AMER2: variants seen among roughly 807,000 people sequenced by gnomAD.
The protein encoded by AMER2 is family with sequence similarity 123A.
AMER2 carries 1 observed loss-of-function variant against 4.7 expected under a neutral mutation model. That is an observed-to-expected ratio of 0.21 (90% CI 0.07 to 1.00). The LOEUF is 1.00. AMER2 is among the 50% of genes least tolerant of loss of function. The pLI, the probability that AMER2 is intolerant of heterozygous loss-of-function variation, is 0.60. For synonymous variants in AMER2, 485 were observed against 433.3 expected, an observed-to-expected ratio of 1.12 and a Z score of -1.48; for missense variants, 988 against 966.9, an observed-to-expected ratio of 1.02 and a Z score of -0.29.
rs1351706490 is a variant in AMER2 at position 25,170,835 on chromosome 13, T to A, written c.785A>T (p.Glu262Val). Residue 262 changes from glutamate to valine, a missense_variant, in exon 1 of 1, where the codon GAG becomes GTG. Physicochemically the swap from Glu to Val is moderately radical, Grantham distance 121. Transcript: ENST00000515384. This position sits in a 1 kb window ranked among gnomAD's most constrained non-coding sequence, Gnocchi z 7.3. ...SQDAPRDPAG[E>V]PAGGEEVPAP... ...GGGCACCTCCTCTCCCCCTGCGGGC[T>A]CACCTGCTGGGTCTCGCGGGGCGTC... 7.0e-7 allele frequency: 1 copy of A among 1,429,658 alleles called. No individual in the cohort carries two copies. The highest frequency in any genetic ancestry group is 9.1e-7 in the Non-Finnish European group (1 of 1,101,044). 88.6% of individuals were successfully genotyped at this position (1,429,658 alleles called of 1,614,324 possible).
At position 25,162,356 on chromosome 13, in the gene AMER2, T is replaced by C. The variant is rs1439966387; in HGVS notation, c.*7248A>G. The C allele has an allele frequency of 6.6e-6, 1 of 152,290 alleles. No homozygotes were observed. The highest frequency in any genetic ancestry group is 2.1e-4 in the South Asian group (1 of 4,822). The allele number at this position is 152,290 out of a possible 1,614,324, so 9.4% of individuals were successfully genotyped here. A position where few individuals can be genotyped will look rare whatever the true frequency, so the allele number is the denominator to read the frequency against. ...TGGTGTCAAGTACAAATGATAGGAA[T>C]TGACTTTGCCAACAACATCAAAAGC... On this transcript the variant is annotated 3_prime_UTR_variant, in exon 1 of 1. Coordinates refer to ENST00000515384, the MANE Select transcript of AMER2 (RefSeq NM_152704.4).
In AMER2 at chr13:25,165,998, A is replaced by T. The variant is rs1476120309; in HGVS notation, c.*3606T>A. On this transcript the variant is annotated 3_prime_UTR_variant, in exon 1 of 1. Coordinates refer to ENST00000515384, the MANE Select transcript of AMER2 (RefSeq NM_152704.4). ...TTAAAATTAATCTGACAAAGGCGTA[A>T]ATAATGAAAACTCTTAGAAAATTCA... The T allele has an allele frequency of 6.6e-6, 1 of 152,242 alleles. No homozygotes were observed. Among genetic ancestry groups the T allele is most frequent in the Non-Finnish European group, 1.5e-5 (1 of 68,044 alleles). The allele number at this position is 152,242 out of a possible 1,614,324, so 9.4% of individuals were successfully genotyped here.
Position 25,161,969 on chromosome 13 carries a change from T to C in AMER2, c.*7635A>G, listed in dbSNP as rs1956412672. On this transcript the variant is annotated 3_prime_UTR_variant, in exon 1 of 1. Coordinates refer to ENST00000515384, the MANE Select transcript of AMER2 (RefSeq NM_152704.4). ...CCTCTATCCCATTAAACCATTGGAG[T>C]GGAGAAAGGAGGAAAGACCCTATTG... The C allele has an allele frequency of 6.6e-6, 1 of 151,898 alleles. No homozygotes were observed. The highest frequency in any genetic ancestry group is 6.6e-5 in the Admixed American group (1 of 15,246). 9.4% of individuals were successfully genotyped at this position (151,898 alleles called of 1,614,324 possible).
At position 25,170,534 on chromosome 13, in the gene AMER2, A is replaced by C; in HGVS notation, c.1086T>G (p.Ile362Met). 3 of 1,614,066 alleles carry C rather than the reference A, an allele frequency of 1.9e-6. No individual in the cohort carries two copies. The highest frequency in any genetic ancestry group is 2.5e-6 in the Non-Finnish European group (3 of 1,179,992). Residue 362 changes from isoleucine to methionine, a missense_variant, in exon 1 of 1, where the codon ATT (isoleucine) becomes ATG (methionine). Transcript: ENST00000515384. The surrounding 1 kb of genome is among the most constrained non-coding windows in gnomAD (Gnocchi z 7.3). The stretch of plus-strand genomic sequence containing the variant: ...AAGTCACGTCAGAAAACATCAAACA[A>C]ATACGATCTGCCGACGGGTCTGAGG... ...DPPSDPSADR[I>M]CLMFSDVTSL... is the part of the protein sequence containing the mutation.
At position 25,169,683 on chromosome 13, in the gene AMER2, A is replaced by C; in HGVS notation, c.1937T>G (p.Val646Gly). ...RTKIPVSKVLVRRVSNRGLAG... is the reference protein window; with the variant it reads ...RTKIPVSKVLGRRVSNRGLAG... ...CAAGCCCCGGTTGCTGACTCTGCGG[A>C]CCAGCACTTTGGAAACCGGGATTTT... The change falls in exon 1 of 1, where the codon GTC (valine) becomes GGC (glycine). Residue 646 changes from valine (V) to glycine (G), a missense_variant. Transcript: ENST00000515384. This position sits in a 1 kb window ranked among gnomAD's most constrained non-coding sequence, Gnocchi z 4.2. 1 of 1,614,026 alleles carries C rather than the reference A, an allele frequency of 6.2e-7. No homozygotes were observed. Among genetic ancestry groups the C allele is most frequent in the Non-Finnish European group, 8.5e-7 (1 of 1,179,980 alleles).
In AMER2 at chr13:25,163,776, G is replaced by A. The variant is rs1956439892; in HGVS notation, c.*5828C>T. 1 of 151,848 alleles carries A rather than the reference G, an allele frequency of 6.6e-6. No homozygotes were observed. The highest frequency in any genetic ancestry group is 2.4e-5 in the African/African-American group (1 of 41,314). 9.4% of individuals were successfully genotyped at this position (151,848 alleles called of 1,614,324 possible). A position where few individuals can be genotyped will look rare whatever the true frequency, so the allele number is the denominator to read the frequency against. ...GAGAGATTTGCTGTACAACACTGTG[G>A]CTATAGTTAACAATACTGTATTGTG... On this transcript the variant is annotated 3_prime_UTR_variant, in exon 1 of 1. Transcript: ENST00000515384.
At position 25,168,601 on chromosome 13, in the gene AMER2, T is replaced by A. The variant is rs1461778163; in HGVS notation, c.*1003A>T. The A allele has an allele frequency of 6.6e-6, 1 of 151,682 alleles. No individual in the cohort carries two copies. The highest frequency in any genetic ancestry group is 1.5e-5 in the Non-Finnish European group (1 of 67,948). 9.4% of individuals were successfully genotyped at this position (151,682 alleles called of 1,614,324 possible). A position where few individuals can be genotyped will look rare whatever the true frequency, so the allele number is the denominator to read the frequency against. ...TCCCATTACAGTACATAACAGAACA[T>A]CAATGGTTTGGGGACCATCATCATG... On this transcript the variant is annotated 3_prime_UTR_variant, in exon 1 of 1. Coordinates refer to ENST00000515384, the MANE Select transcript of AMER2 (RefSeq NM_152704.4).
chr13:25,169,873 G>A lies in AMER2; in HGVS notation c.1747C>T (p.Arg583Trp), dbSNP rs1956530360. 1.2e-6 allele frequency: 2 copies of A among 1,614,162 alleles called. No individual in the cohort carries two copies. Among genetic ancestry groups the A allele is most frequent in the Non-Finnish European group, 1.7e-6 (2 of 1,180,018 alleles). Residue 583 changes from arginine (R) to tryptophan (W), a missense_variant, in exon 1 of 1, where the codon CGG (arginine) becomes TGG (tryptophan). Arg to Trp is a moderately radical substitution (Grantham distance 101, BLOSUM62 -3). Transcript: ENST00000515384. This position sits in a 1 kb window ranked among gnomAD's most constrained non-coding sequence, Gnocchi z 4.2. ...GTGCCTGGAGATACGGGCTTTAACC[G>A]GGACAGGGAGGACGTCTCCTCGTTG... ...KDNEETSSLS[R>W]LKPVSPGTIT...
Position 25,162,164 on chromosome 13 carries a change from A to G in AMER2, c.*7440T>C, listed in dbSNP as rs1211617988. ...ATAATACTGCCAAAACCTGTCCTCA[A>G]AGACATGCCTGACTTTCAGGAAAGC... On this transcript the variant is annotated 3_prime_UTR_variant, in exon 1 of 1. Transcript: ENST00000515384. The G allele has an allele frequency of 2.0e-5, 3 of 152,192 alleles. No individual in the cohort carries two copies. The highest frequency in any genetic ancestry group is 2.9e-5 in the Non-Finnish European group (2 of 68,040). The allele number at this position is 152,192 out of a possible 1,614,324, so 9.4% of individuals were successfully genotyped here. A position where few individuals can be genotyped will look rare whatever the true frequency, so the allele number is the denominator to read the frequency against.
At position 25,171,789 on chromosome 13, in the gene AMER2, TC is replaced by T. The variant is rs148639138; in HGVS notation, c.-171del. On this transcript the variant is annotated 5_prime_UTR_variant, in exon 1 of 1. It introduces an in-frame stop codon into an upstream open reading frame of the 5' UTR. Transcript: ENST00000515384. This position sits in a 1 kb window ranked among gnomAD's most constrained non-coding sequence, Gnocchi z 5.9. ...GGCTTATATAATACCCTAACCCACT[TC>T]CATCCGACTTGGCTCGGCGCTGCAT... The T allele has an allele frequency of 2.7e-3, 3,427 of 1,290,956 alleles. 81 individuals carry two copies. The African/African-American group carries it at 0.047, about 18-fold the overall frequency. The allele number at this position is 1,290,956 out of a possible 1,614,324, so 80.0% of individuals were successfully genotyped here.
Position 25,170,939 on chromosome 13 carries a change from G to C in AMER2, c.681C>G (p.Pro227=), listed in dbSNP as rs769729074. Residue 227 remains proline (P), a synonymous_variant, in exon 1 of 1, where the codon CCC becomes CCG. Transcript: ENST00000515384. The surrounding 1 kb of genome is among the most constrained non-coding windows in gnomAD (Gnocchi z 7.3). Reference sequence around the variant, plus strand: ...ACTCCAGGCTGGCGGTGAGCGAGCCGGGTAGGATCAAGCCGCCCCCGGGCG... The same window carrying C: ...ACTCCAGGCTGGCGGTGAGCGAGCCCGGTAGGATCAAGCCGCCCCCGGGCG... ...GRAPGGGLIL[P]GSLTASLECV... 9 of 1,517,102 alleles carry C rather than the reference G, an allele frequency of 5.9e-6. No individual in the cohort carries two copies. Among genetic ancestry groups the C allele is most frequent in the African/African-American group, 2.9e-5 (2 of 69,748 alleles). The allele number at this position is 1,517,102 out of a possible 1,614,324, so 94.0% of individuals were successfully genotyped here. A position where few individuals can be genotyped will look rare whatever the true frequency, so the allele number is the denominator to read the frequency against.
In AMER2 at chr13:25,169,090, GTTTTGT is replaced by G. The variant is rs913506406; in HGVS notation, c.*508_*513del. ...TTTCCACACAGTGATACAGCAAAGGGTTTTGTTTTTGTTTTTGTTTTTTTTTAACTG... is the reference window on the plus strand; with the variant it reads ...TTTCCACACAGTGATACAGCAAAGGGTTTTGTTTTTGTTTTTTTTTAACTG... On this transcript the variant is annotated 3_prime_UTR_variant, in exon 1 of 1. Coordinates refer to ENST00000515384, the MANE Select transcript of AMER2 (RefSeq NM_152704.4). This position sits in a 1 kb window ranked among gnomAD's most constrained non-coding sequence, Gnocchi z 4.2. The G allele has an allele frequency of 6.6e-6, 1 of 152,464 alleles. No individual in the cohort carries two copies. Among genetic ancestry groups the G allele is most frequent in the Non-Finnish European group, 1.5e-5 (1 of 68,198 alleles). 9.4% of individuals were successfully genotyped at this position (152,464 alleles called of 1,614,324 possible). A position where few individuals can be genotyped will look rare whatever the true frequency, so the allele number is the denominator to read the frequency against.
rs1291783256 is a variant in AMER2 at position 25,162,925 on chromosome 13, G to A, written c.*6679C>T. The A allele has an allele frequency of 6.6e-6, 1 of 152,160 alleles. No individual in the cohort carries two copies. The highest frequency in any genetic ancestry group is 1.5e-5 in the Non-Finnish European group (1 of 68,032). The allele number at this position is 152,160 out of a possible 1,614,324, so 9.4% of individuals were successfully genotyped here. The stretch of plus-strand genomic sequence containing the variant: ...CTCTGGCAACATAGTAAACATACAG[G>A]ATATGTTAGTAGAATTCAATATAAA... On this transcript the variant is annotated 3_prime_UTR_variant, in exon 1 of 1. Coordinates refer to ENST00000515384, the MANE Select transcript of AMER2 (RefSeq NM_152704.4).
Position 25,171,040 on chromosome 13 carries a change from G to A in AMER2, c.580C>T (p.Leu194=), listed in dbSNP as rs778246753. 6.4e-7 allele frequency: 1 copy of A among 1,573,678 alleles called. No individual in the cohort carries two copies. The highest frequency in any genetic ancestry group is 8.6e-7 in the Non-Finnish European group (1 of 1,161,396). The stretch of plus-strand genomic sequence containing the variant: ...CGCATGCCGCTGAACAGCCCCCGCA[G>A]CCCCCGCTTTTGTTTGCCGCCGGCC... The part of the protein sequence containing the change: ...SKAGGKQKRG[L]RGLFSGMRWH... Residue 194 remains leucine, a synonymous_variant, in exon 1 of 1, where the codon CTG becomes TTG. Coordinates refer to ENST00000515384, the MANE Select transcript of AMER2 (RefSeq NM_152704.4). This position sits in a 1 kb window ranked among gnomAD's most constrained non-coding sequence, Gnocchi z 5.9.
In AMER2 at chr13:25,163,748, T is replaced by C. The variant is rs1566011773; in HGVS notation, c.*5856A>G. 1.3e-5 allele frequency: 2 copies of C among 151,314 alleles called. No homozygotes were observed. Among genetic ancestry groups the C allele is most frequent in the East Asian group, 3.9e-4 (2 of 5,160 alleles). 9.4% of individuals were successfully genotyped at this position (151,314 alleles called of 1,614,324 possible). On this transcript the variant is annotated 3_prime_UTR_variant, in exon 1 of 1. Coordinates refer to ENST00000515384, the MANE Select transcript of AMER2 (RefSeq NM_152704.4). ...GTTTCAGTTACGCAGGATGCATAGG[T>C]GAGAGAGATTTGCTGTACAACACTG...
chr13:25,170,996 C>A lies in AMER2; in HGVS notation c.624G>T (p.Lys208Asn). ...FSGMRWHRKD[K>N]RAKAEAAEGR... is the part of the protein sequence containing the mutation. ...CCTCCGCGGCCTCCGCCTTGGCCCG[C>A]TTGTCTTTCCTGTGCCAGCGCATGC... Residue 208 changes from lysine to asparagine, a missense_variant, in exon 1 of 1, where the codon AAG becomes AAT. Coordinates refer to ENST00000515384, the MANE Select transcript of AMER2 (RefSeq NM_152704.4). This position sits in a 1 kb window ranked among gnomAD's most constrained non-coding sequence, Gnocchi z 7.3. 1.3e-6 allele frequency: 2 copies of A among 1,564,898 alleles called. No individual in the cohort carries two copies. The highest frequency in any genetic ancestry group is 2.6e-5 in the East Asian group (1 of 38,520).
rs145275563 is a variant in AMER2, at chr13:25,170,231, C to G, written c.1389G>C (p.Ala463=). 1.2e-6 allele frequency: 2 copies of G among 1,611,978 alleles called. No homozygotes were observed. Among genetic ancestry groups the G allele is most frequent in the African/African-American group, 2.7e-5 (2 of 74,888 alleles). ...TCTCGGGCACCACCTTGGTTTCCAG[C>G]GCAGCTGCCACCTTAGCCGCGCCCT... ...PQEGAAKVAA[A]LETKVVPETP... Residue 463 remains alanine (A), a synonymous_variant, in exon 1 of 1, where the codon GCG becomes GCC. Coordinates refer to ENST00000515384, the MANE Select transcript of AMER2 (RefSeq NM_152704.4). This position sits in a 1 kb window ranked among gnomAD's most constrained non-coding sequence, Gnocchi z 7.3.
rs531573239 is a variant in AMER2 at position 25,170,698 on chromosome 13, G to GCTCGGGGGGTGCCCGGGGCTT, written c.921_922insAAGCCCCGGGCACCCCCCGAG (p.Glu307_Pro308insLysProArgAlaProProGlu). ...GCCGTGCGGACCTCCCCGGGCCCCG[G>GCTCGGGGGGTGCCCGGGGCTT]CTCGGCGCGCCGATGCCCCGCGGCG... On this transcript the variant is annotated inframe_insertion, in exon 1 of 1. Coordinates refer to ENST00000515384, the MANE Select transcript of AMER2 (RefSeq NM_152704.4). The surrounding 1 kb of genome is among the most constrained non-coding windows in gnomAD (Gnocchi z 7.3). 2,610 of 1,507,690 alleles carry GCTCGGGGGGTGCCCGGGGCTT rather than the reference G, an allele frequency of 1.7e-3. 22 individuals are homozygous for GCTCGGGGGGTGCCCGGGGCTT. In the East Asian group the frequency reaches 0.018, roughly 10 times the overall value. The allele number at this position is 1,507,690 out of a possible 1,614,324, so 93.4% of individuals were successfully genotyped here.
Position 25,171,146 on chromosome 13 carries a change from G to A in AMER2, c.474C>T (p.Ala158=). ...GGGSLASSSV[A]KSHSFFSLLK... is the part of the protein sequence containing the mutation. ...GCAGCGAGAAGAAGCTGTGCGACTT[G>A]GCCACCGAGCTGCTGGCGAGGGAGC... Residue 158 remains alanine, a synonymous_variant, in exon 1 of 1, where the codon GCC becomes GCT. Coordinates refer to ENST00000515384, the MANE Select transcript of AMER2 (RefSeq NM_152704.4). This position sits in a 1 kb window ranked among gnomAD's most constrained non-coding sequence, Gnocchi z 5.9. The A allele has an allele frequency of 6.5e-7, 1 of 1,547,786 alleles. No homozygotes were observed. The highest frequency in any genetic ancestry group is 1.2e-5 in the South Asian group (1 of 84,688).
Sources: gnomAD v4.1 joint callset for allele counts on GRCh38, gnomAD v4.1.1 for gene constraint, Gnocchi (gnomAD v3.1) non-coding constraint, MANE v1.5 for transcripts, NCBI Gene and HGNC (gene_info 2026-07-23, HGNC 2026-07-21) for gene names.